EML6: variants seen among roughly 807,000 people sequenced by gnomAD.
The protein encoded by EML6 is EMAP like 6.
A neutral mutation model predicts 240.1 loss-of-function variants in EML6; 154 were observed. That is an observed-to-expected ratio of 0.64 (90% CI 0.56 to 0.73). EML6 has a LOEUF of 0.73. EML6 is among the 30% of genes least tolerant of loss of function. The probability of loss-of-function intolerance (pLI) is 0.00; values close to 1 mark genes in which losing one functional copy is unlikely to be tolerated. For missense variants in EML6, 2,964 were observed against 2,474.6 expected (o/e 1.20, Z -4.20); for synonymous variants, 1,148 against 899.0 (o/e 1.28, Z -4.95).
At chr2:54,927,615 C>A (rs1477272700) in intron 26 of EML6, among the ~76,000 whole-genome samples, 1 of 152,224 alleles carries the variant, frequency 6.6e-6, no homozygotes, top group Admixed American at 6.5e-5. Flanking sequence ...CTTGTCAGGA[C>A]TGCCCTGGCA....
intron 17 of EML6, among the ~76,000 whole-genome samples, chr2:54,888,716 G>A (rs1164386756): frequency 1.3e-5 from 2 of 152,094 alleles, no homozygotes; most frequent in Non-Finnish European, 2.9e-5. Context: ...TTTTGGTGCT[G>A]AATAATATCC....
Position 54,906,317 on chromosome 2 carries a change from G to C in EML6, c.3409+2815G>C, listed in dbSNP as rs541637133. Among the ~76,000 whole-genome samples the C allele has an allele frequency of 7.5e-4, 115 of 152,318 alleles. 2 individuals carry two copies. Among genetic ancestry groups the C allele is most frequent in the African/African-American group, 2.7e-3 (113 of 41,568 alleles). On this transcript the variant is annotated intron_variant, in intron 24 of 41. Coordinates refer to ENST00000356458, the MANE Select transcript of EML6 (RefSeq NM_001039753.4). ...AAATGTATAGGCCCTGTGTCAGATG[G>C]TGGGGATATAAAGAGAAGTAAGTCC...
chr2:54,876,485 A>C (rs1170566652), intron 16 of EML6, among the ~76,000 whole-genome samples: 1 of 152,154 alleles, frequency 6.6e-6, no homozygotes, highest in Non-Finnish European at 1.5e-5. Flanking sequence ...ATTCTCCTAA[A>C]ATAAAAGCTC....
rs573797677 is a variant in EML6 at position 54,829,962 on chromosome 2, C to G, written c.847+485C>G. On this transcript the variant is annotated intron_variant, in intron 7 of 41. Coordinates refer to ENST00000356458, the MANE Select transcript of EML6 (RefSeq NM_001039753.4). The stretch of plus-strand genomic sequence containing the variant: ...GAGTTAAGAAATTGAACGGCAGTCT[C>G]AAATTTCGGGGCATCTGTTTCCTCA... Among the ~76,000 whole-genome samples, 16 of 152,278 alleles carry G rather than the reference C, an allele frequency of 1.1e-4. No homozygotes were observed. The South Asian group carries it at 3.1e-3, about 30-fold the overall frequency.
intron 2 of EML6, among the ~76,000 whole-genome samples, chr2:54,792,330 G>C (rs917054423): frequency 6.6e-6 from 1 of 152,146 alleles, no homozygotes; most frequent in African/African-American, 2.4e-5. Flanking sequence ...TCTCTTTTTA[G>C]TAAGTCATTA....
At chr2:54,961,055 A>G (rs538119855) in intron 35 of EML6, among the ~76,000 whole-genome samples, 3 of 152,132 alleles carry the variant, frequency 2.0e-5, no homozygotes, top group Non-Finnish European at 2.9e-5. Flanking sequence ...GGCAAACTGG[A>G]TATGGAGTAC....
At chr2:54,862,400 A>G (rs1267330005) in intron 12 of EML6, among the ~76,000 whole-genome samples, 4 of 151,374 alleles carry the variant, frequency 2.6e-5, no homozygotes, top group Admixed American at 6.6e-5. Flanking sequence ...GAACTGAAAA[A>G]TTCAATAGAG....
At chr2:54,864,204 C>G (rs1184468495) in intron 13 of EML6, among the ~76,000 whole-genome samples, 1 of 152,116 alleles carries the variant, frequency 6.6e-6, no homozygotes, top group African/African-American at 2.4e-5. Flanking sequence ...AGCCATAGGT[C>G]TTTTTTCACT....
At chr2:54,909,849 T>TA (rs1673545367) in intron 24 of EML6, among the ~76,000 whole-genome samples, 1 of 59,592 alleles carries the variant, frequency 1.7e-5, no homozygotes, top group Non-Finnish European at 2.8e-5. Context: ...AGACTCCATC[T>TA]CAAAAAAAAA....
At chr2:54,796,376 T>TTCTTCAGAGA (rs1484275823) in intron 2 of EML6, among the ~76,000 whole-genome samples, 2 of 152,172 alleles carry the variant, frequency 1.3e-5, no homozygotes, top group Non-Finnish European at 2.9e-5. Context: ...CTTCAGAGAA[T>TTCTTCAGAGA]CCATTTCTTA....
chr2:54,743,322 A>G (rs1683741511), intron 2 of EML6, among the ~76,000 whole-genome samples: 1 of 152,236 alleles, frequency 6.6e-6, no homozygotes, highest in Non-Finnish European at 1.5e-5. Flanking sequence ...AAACCCTCGC[A>G]GACGTGGGGA....
At position 54,966,933 on chromosome 2, in the gene EML6, G is replaced by A. The variant is rs540652486; in HGVS notation, c.5494-67G>A. On this transcript the variant is annotated intron_variant, in intron 38 of 41. Coordinates refer to ENST00000356458, the MANE Select transcript of EML6 (RefSeq NM_001039753.4). ...AGGCTGGGCAGTGTTCTGGGAAACT[G>A]TGCCCAAAGGGAGTCTGTGGGACTG... The A allele has an allele frequency of 6.9e-6, 7 of 1,017,364 alleles. No homozygotes were observed. The Admixed American group carries it at 1.5e-4, about 22-fold the overall frequency. 63.0% of individuals were successfully genotyped at this position (1,017,364 alleles called of 1,614,324 possible). A position where few individuals can be genotyped will look rare whatever the true frequency, so the allele number is the denominator to read the frequency against.
intron 22 of EML6, among the ~76,000 whole-genome samples, chr2:54,900,820 C>T (rs1673016867): frequency 6.6e-6 from 1 of 152,098 alleles, no homozygotes; most frequent in Admixed American, 6.6e-5. Context: ...TGTGAAAGGA[C>T]AAACTAAAGA....
At chr2:54,776,777 A>G (rs1043569371) in intron 2 of EML6, among the ~76,000 whole-genome samples, 21 of 151,704 alleles carry the variant, frequency 1.4e-4, no homozygotes, top group Admixed American at 1.1e-3. Context: ...TGGATATTTT[A>G]CAACATATAT....
intron 2 of EML6, among the ~76,000 whole-genome samples, chr2:54,758,809 C>G (rs570735191): frequency 2.0e-5 from 3 of 152,006 alleles, no homozygotes; most frequent in African/African-American, 7.3e-5. Flanking sequence ...ACAGATTGGT[C>G]TGAGAGCATT....
intron 2 of EML6, among the ~76,000 whole-genome samples, chr2:54,803,687 C>G (rs954189188): frequency 7.2e-5 from 11 of 152,004 alleles, no homozygotes; most frequent in Non-Finnish European, 1.3e-4. Context: ...TTTTAATGCA[C>G]CTTTCACAAG....
In EML6 at chr2:54,829,439, C is replaced by T. The variant is rs1280320473; in HGVS notation, c.809C>T (p.Thr270Ile). 4 of 1,551,664 alleles carry T rather than the reference C, an allele frequency of 2.6e-6. No individual in the cohort carries two copies. Among genetic ancestry groups the T allele is most frequent in the Non-Finnish European group, 3.5e-6 (4 of 1,146,818 alleles). The change falls in exon 7 of 42, where the codon ACC becomes ATC. Residue 270 changes from threonine (T) to isoleucine (I), a missense_variant. Coordinates refer to ENST00000356458, the MANE Select transcript of EML6 (RefSeq NM_001039753.4). ...TGGGACACTGATTTCAAACCAATAA[C>T]CAAAATTGATCTCAGGGAGACAGAA... ...RLWDTDFKPI[T>I]KIDLRETEQG...
At chr2:54,752,125 TACTTAG>T (rs1684203092) in intron 2 of EML6, among the ~76,000 whole-genome samples, 1 of 152,228 alleles carries the variant, frequency 6.6e-6, no homozygotes, top group Admixed American at 6.5e-5. Context: ...TTACATGCTC[TACTTAG>T]GTTTGTTGGG....
At chr2:54,801,366 A>G (rs568847060) in intron 2 of EML6, among the ~76,000 whole-genome samples, 1 of 152,036 alleles carries the variant, frequency 6.6e-6, no homozygotes, top group Non-Finnish European at 1.5e-5. Context: ...ATTTCTTCCT[A>G]TGACGTGTCT....
Sources: gnomAD v4.1 joint callset for allele counts (sites outside exome capture counted in the v4.1 genomes callset) on GRCh38, gnomAD v4.1.1 for gene constraint, MANE v1.5 for transcripts, NCBI Gene and HGNC (gene_info 2026-07-23, HGNC 2026-07-21) for gene names.